The following MYH9 variants were observed in gnomAD, a reference collection of about 807,000 sequenced individuals.
The protein encoded by MYH9 is myosin-9.
A neutral mutation model predicts 241.9 loss-of-function variants in MYH9; 29 were observed. The ratio of observed to expected loss-of-function variants is 0.12; its 90% confidence interval spans 0.09 to 0.16. The LOEUF is 0.16. MYH9 is among the 10% of genes least tolerant of loss of function. MYH9 has a pLI of 1.00. For missense variants in MYH9, 1,803 were observed against 2,595.5 expected, an observed-to-expected ratio of 0.69 and a Z score of 6.63; for synonymous variants, 1,047 against 1,062.6, an observed-to-expected ratio of 0.99 and a Z score of 0.29.
At chr22:36,362,094 C>T (rs1459823518) in intron 1 of MYH9, among the ~76,000 whole-genome samples, 1 of 152,074 alleles carries the variant, frequency 6.6e-6, no homozygotes, top group Admixed American at 6.6e-5. Context: ...AGAAATCATC[C>T]TCCCTTACCT....
intron 1 of MYH9, among the ~76,000 whole-genome samples, chr22:36,383,402 C>T (rs1033103771): frequency 6.6e-6 from 1 of 152,088 alleles, no homozygotes; most frequent in Admixed American, 6.6e-5. Flanking sequence ...CTGTCCCAGC[C>T]GGGGCCCTGT....
At position 36,330,126 on chromosome 22, in the gene MYH9, C is replaced by T. The variant is rs558960948; in HGVS notation, c.491-2638G>A. On this transcript the variant is annotated intron_variant, in intron 3 of 40. Transcript: ENST00000216181. This position sits in a 1 kb window ranked among gnomAD's most constrained non-coding sequence, Gnocchi z 4.5. The stretch of plus-strand genomic sequence containing the variant: ...ATTCAGTGTCTCCTCTCCATCCACC[C>T]GAGCGTCCCTAGCTCTCCCACTTCT... 4.6e-5 allele frequency among the ~76,000 whole-genome samples: 7 copies of T among 152,362 alleles called. No individual in the cohort carries two copies. The highest frequency in any genetic ancestry group is 1.3e-4 in the Admixed American group (2 of 15,304).
chr22:36,285,649 G>A lies in MYH9; in HGVS notation c.5274+9C>T, dbSNP rs2016566544. The stretch of plus-strand genomic sequence containing the variant: ...CAGAGCCCAGAGTGGGAGAAGTCCT[G>A]GCACCCACCTGCAGGTTGGCCTTCT... On this transcript the variant is annotated intron_variant, in intron 37 of 40. Transcript: ENST00000216181. The surrounding 1 kb of genome is among the most constrained non-coding windows in gnomAD (Gnocchi z 7.0). 8.1e-6 allele frequency: 13 copies of A among 1,612,004 alleles called. No individual in the cohort carries two copies. The East Asian group carries it at 2.9e-4, about 36-fold the overall frequency.
intron 24 of MYH9, 127 bp downstream of exon 24, chr22:36,298,792 G>A (rs1454271039): frequency 7.1e-7 from 1 of 1,409,666 alleles, no homozygotes; most frequent in African/African-American, 1.4e-5. Context: ...AGCCAGTGCT[G>A]TAGTGTGACC....
Position 36,293,074 on chromosome 22 carries a change from T to C in MYH9, c.4095+255A>G, listed in dbSNP as rs1569534939. On this transcript the variant is annotated intron_variant, in intron 30 of 40. Transcript: ENST00000216181. The surrounding 1 kb of genome is among the most constrained non-coding windows in gnomAD (Gnocchi z 5.1). ...CTGCCTACATCCATAATGGAAGCAA[T>C]GCTGAATTTCAGCTAAAGACTGGTG... is the stretch of plus-strand genomic sequence containing the variant. Among the ~76,000 whole-genome samples the C allele has an allele frequency of 6.6e-6, 1 of 152,186 alleles. No homozygotes were observed. The highest frequency in any genetic ancestry group is 1.5e-5 in the Non-Finnish European group (1 of 68,038).
chr22:36,289,345 A>C lies in MYH9; in HGVS notation c.4345-48T>G, dbSNP rs759391304. The C allele has an allele frequency of 2.6e-6, 4 of 1,542,540 alleles. No homozygotes were observed. In the South Asian group the frequency reaches 4.7e-5, roughly 18 times the overall value. ...GAGGCTCAGAGCTACGGCCCCCAGCAGGGCAGGGCAGCTGGGCCTAAGCTC... is the reference window on the plus strand; with the variant it reads ...GAGGCTCAGAGCTACGGCCCCCAGCCGGGCAGGGCAGCTGGGCCTAAGCTC... On this transcript the variant is annotated intron_variant, in intron 31 of 40. Transcript: ENST00000216181.
chr22:36,283,787 T>C (rs2016532864), intron 40 of MYH9, among the ~76,000 whole-genome samples: 1 of 152,222 alleles, frequency 6.6e-6, no homozygotes, highest in Non-Finnish European at 1.5e-5. Flanking sequence ...AGGCTCACAT[T>C]CGTTTTGCAG....
intron 19 of MYH9, among the ~76,000 whole-genome samples, chr22:36,303,044 C>T (rs1381877410): frequency 6.6e-6 from 1 of 152,182 alleles, no homozygotes; most frequent in Admixed American, 6.5e-5. Context: ...TTCAGCTTCC[C>T]ACCCTTCGTG....
At chr22:36,377,589 G>C (rs1024690534) in intron 1 of MYH9, among the ~76,000 whole-genome samples, 3 of 152,122 alleles carry the variant, frequency 2.0e-5, no homozygotes, top group Admixed American at 6.6e-5. Context: ...CAAGGGACAG[G>C]CTTGTTGGAT....
At chr22:36,336,412 C>G (rs892008396) in intron 3 of MYH9, among the ~76,000 whole-genome samples, 6 of 152,226 alleles carry the variant, frequency 3.9e-5, no homozygotes, top group Non-Finnish European at 5.9e-5. Flanking sequence ...CTGAACTTTA[C>G]AGCAGACCAT....
chr22:36,300,731 T>C lies in MYH9; in HGVS notation c.2838+120A>G, dbSNP rs117734021. ...CCTCTCACTGAGAGCCCCAAGCAGA[T>C]TGCGTGAGGAGCAGCCTCCTTGGAC... On this transcript the variant is annotated intron_variant, in intron 22 of 40. Coordinates refer to ENST00000216181, the MANE Select transcript of MYH9 (RefSeq NM_002473.6). The surrounding 1 kb of genome is among the most constrained non-coding windows in gnomAD (Gnocchi z 5.0). 9,401 of 1,118,184 alleles carry C rather than the reference T, an allele frequency of 8.4e-3. 84 individuals carry two copies. Among genetic ancestry groups the C allele is most frequent in the Non-Finnish European group, 8.6e-3 (6,559 of 761,546 alleles). The allele number at this position is 1,118,184 out of a possible 1,614,324, so 69.3% of individuals were successfully genotyped here. A position where few individuals can be genotyped will look rare whatever the true frequency, so the allele number is the denominator to read the frequency against.
chr22:36,326,941 G>A (rs2017344797), intron 4 of MYH9, among the ~76,000 whole-genome samples: 1 of 152,202 alleles, frequency 6.6e-6, no homozygotes, highest in Admixed American at 6.5e-5. Context: ...TTAAAAATCA[G>A]TTTTAGGCAG....
chr22:36,352,802 G>C (rs2017789378), intron 1 of MYH9, among the ~76,000 whole-genome samples: 1 of 152,216 alleles, frequency 6.6e-6, no homozygotes. Context: ...CAGAGCCCCA[G>C]CTTGCTGGGC....
chr22:36,315,204 T>C lies in MYH9; in HGVS notation c.1381-886A>G, dbSNP rs996264353. Among the ~76,000 whole-genome samples the C allele has an allele frequency of 9.2e-5, 14 of 152,132 alleles. 1 individual carries two copies. Among genetic ancestry groups the C allele is most frequent in the African/African-American group, 3.4e-4 (14 of 41,384 alleles). ...ACAACCGGAATGTAACACGAAAACA[T>C]CTGATTTCTATTGGTGACAGATCAC... On this transcript the variant is annotated intron_variant, in intron 12 of 40. Coordinates refer to ENST00000216181, the MANE Select transcript of MYH9 (RefSeq NM_002473.6).
Position 36,321,833 on chromosome 22 carries a change from A to G in MYH9, c.706-12T>C. On this transcript the variant is annotated splice_polypyrimidine_tract_variant and intron_variant, in intron 6 of 40. Transcript: ENST00000216181. ...CGAATGAATTTGCCCTAAGTAAGAAAGGATAGCAAGAGATCAGAGGTGCCC... is the reference window on the plus strand; with the variant it reads ...CGAATGAATTTGCCCTAAGTAAGAAGGGATAGCAAGAGATCAGAGGTGCCC... 6.2e-7 allele frequency: 1 copy of G among 1,612,998 alleles called. No homozygotes were observed. The highest frequency in any genetic ancestry group is 8.5e-7 in the Non-Finnish European group (1 of 1,178,994).
intron 12 of MYH9, among the ~76,000 whole-genome samples, chr22:36,315,638 C>T (rs989811379): frequency 2.0e-5 from 3 of 152,046 alleles, no homozygotes; most frequent in Non-Finnish European, 4.4e-5. Context: ...GTACCAGCTA[C>T]TCGGGAAGCT....
At chr22:36,371,896 T>G (rs1363317836) in intron 1 of MYH9, among the ~76,000 whole-genome samples, 1 of 151,994 alleles carries the variant, frequency 6.6e-6, no homozygotes, top group Non-Finnish European at 1.5e-5. Context: ...CTACAGCTCT[T>G]ACTGTCTTGA....
chr22:36,321,459 G>A lies in MYH9; in HGVS notation c.769+299C>T, dbSNP rs183855606. Among the ~76,000 whole-genome samples, 162 of 152,316 alleles carry A rather than the reference G, an allele frequency of 1.1e-3. 1 individual carries two copies. Among genetic ancestry groups the A allele is most frequent in the African/African-American group, 3.7e-3 (153 of 41,560 alleles). On this transcript the variant is annotated intron_variant, in intron 7 of 40. Coordinates refer to ENST00000216181, the MANE Select transcript of MYH9 (RefSeq NM_002473.6). ...ACATTCCCACAAGCAAAGGCTAAAC[G>A]GTGGCACGCAGGAGAGTGGCATCCC...
chr22:36,308,428 C>T (rs2017006097), intron 15 of MYH9, among the ~76,000 whole-genome samples: 1 of 150,062 alleles, frequency 6.7e-6, no homozygotes, highest in Admixed American at 6.6e-5. Flanking sequence ...TCACACCCAG[C>T]TGATTTTTTT....
Sources: gnomAD v4.1 joint callset for allele counts (sites outside exome capture counted in the v4.1 genomes callset) on GRCh38, gnomAD v4.1.1 for gene constraint, Gnocchi (gnomAD v3.1) non-coding constraint, MANE v1.5 for transcripts, NCBI Gene and HGNC (gene_info 2026-07-23, HGNC 2026-07-21) for gene names.